KCNMB2: variants seen among roughly 807,000 people sequenced by gnomAD.
KCNMB2 encodes the protein calcium-activated potassium channel subunit beta-2.
KCNMB2 carries 9 observed loss-of-function variants against 24.5 expected under a neutral mutation model. The observed-to-expected ratio is 0.37, with a 90% CI of 0.22 to 0.64. KCNMB2 has a LOEUF of 0.64. KCNMB2 is among the 30% of genes least tolerant of loss of function. The pLI, the probability that KCNMB2 is intolerant of heterozygous loss-of-function variation, is 0.63. For missense variants in KCNMB2, 226 were observed against 284.3 expected, an observed-to-expected ratio of 0.79 and a Z score of 1.47; for synonymous variants, 109 against 104.4, an observed-to-expected ratio of 1.04 and a Z score of -0.27.
rs554610638 is a variant in KCNMB2, at chr3:178,817,101, G to A, written c.57-8487G>A. Among the ~76,000 whole-genome samples, 12 of 151,802 alleles carry A rather than the reference G, an allele frequency of 7.9e-5. No homozygotes were observed. In the East Asian group the frequency reaches 2.3e-3, roughly 29 times the overall value. The stretch of plus-strand genomic sequence containing the variant: ...CCATAATTTTGTTCTCACTTTTAGT[G>A]TCTTACCCATAAGACCTGGGTCACA... On this transcript the variant is annotated intron_variant, in intron 2 of 4. Coordinates refer to ENST00000452583, the MANE Select transcript of KCNMB2 (RefSeq NM_181361.3).
At chr3:178,779,229 T>C (rs1433949218) in intron 1 of KCNMB2, among the ~76,000 whole-genome samples, 1 of 152,222 alleles carries the variant, frequency 6.6e-6, no homozygotes, top group Non-Finnish European at 1.5e-5. Flanking sequence ...TTGATGGCCT[T>C]TCCCAGAAAT....
At position 178,569,922 on chromosome 3, in the gene KCNMB2, C is replaced by T. The variant is rs146659579; in HGVS notation, c.-68+33211C>T. Among the ~76,000 whole-genome samples, 3 of 152,154 alleles carry T rather than the reference C, an allele frequency of 2.0e-5. No individual in the cohort carries two copies. In the East Asian group the frequency reaches 5.8e-4, roughly 29 times the overall value. ...TTCCCTGATTTATAAAGGAAAGGGG[C>T]TGAAGATGAAATTTTAAAACTGTGT... On this transcript the variant is annotated intron_variant, in intron 1 of 4. Transcript: ENST00000452583.
rs892246709 is a variant in KCNMB2, at chr3:178,760,382, A to T, written c.-67-46961A>T. Among the ~76,000 whole-genome samples, 331 of 132,476 alleles carry T rather than the reference A, an allele frequency of 2.5e-3. 11 individuals carry two copies. The highest frequency in any genetic ancestry group is 9.5e-3 in the African/African-American group (314 of 33,176). 86.9% of individuals were successfully genotyped at this position (132,476 alleles called of 152,430 possible). On this transcript the variant is annotated intron_variant, in intron 1 of 4. Transcript: ENST00000452583. ...TATCCATATCCAAGATATATATATTATATATATATCCATATCCAAGATATA... is the reference window on the plus strand; with the variant it reads ...TATCCATATCCAAGATATATATATTTTATATATATCCATATCCAAGATATA...
At chr3:178,800,269 A>G (rs1713723392) in intron 1 of KCNMB2, among the ~76,000 whole-genome samples, 1 of 152,202 alleles carries the variant, frequency 6.6e-6, no homozygotes, top group Non-Finnish European at 1.5e-5. Flanking sequence ...AATATCTGCA[A>G]TCTATCCATC....
chr3:178,730,277 A>G (rs1474672896), intron 1 of KCNMB2, among the ~76,000 whole-genome samples: 1 of 152,178 alleles, frequency 6.6e-6, no homozygotes, highest in Non-Finnish European at 1.5e-5. Flanking sequence ...CATGATACAG[A>G]TGCTTGTTAT....
chr3:178,562,433 T>G (rs900987338), intron 1 of KCNMB2, among the ~76,000 whole-genome samples: 15 of 151,986 alleles, frequency 9.9e-5, no homozygotes, highest in African/African-American at 3.1e-4. Context: ...TACAGCTAAG[T>G]GGTAGCGGTG....
At chr3:178,685,298 C>T (rs1184800708) in intron 1 of KCNMB2, among the ~76,000 whole-genome samples, 1 of 152,200 alleles carries the variant, frequency 6.6e-6, no homozygotes, top group African/African-American at 2.4e-5. Context: ...TTTAAAAGCT[C>T]CTGGAATAGG....
intron 1 of KCNMB2, among the ~76,000 whole-genome samples, chr3:178,712,224 C>T (rs1158057296): frequency 6.6e-6 from 1 of 152,110 alleles, no homozygotes; most frequent in Admixed American, 6.5e-5. Flanking sequence ...ACTAGGGGGC[C>T]TAACCACCTA....
At chr3:178,811,727 A>C (rs1355668514) in intron 2 of KCNMB2, among the ~76,000 whole-genome samples, 1 of 152,162 alleles carries the variant, frequency 6.6e-6, no homozygotes, top group Non-Finnish European at 1.5e-5. Flanking sequence ...TTTATACCTA[A>C]CATGGGAATG....
chr3:178,569,779 G>A (rs1341787222), intron 1 of KCNMB2, among the ~76,000 whole-genome samples: 1 of 152,178 alleles, frequency 6.6e-6, no homozygotes. Flanking sequence ...AGAGTTAAAA[G>A]TCAGCCCTTC....
chr3:178,655,683 T>G lies in KCNMB2; in HGVS notation c.-68+118972T>G, dbSNP rs528754723. Among the ~76,000 whole-genome samples, 121 of 152,120 alleles carry G rather than the reference T, an allele frequency of 8.0e-4. 1 individual carries two copies. Among genetic ancestry groups the G allele is most frequent in the Admixed American group, 7.8e-3 (120 of 15,294 alleles). ...TGCTGTGGTTTACTGGTCTGAAGAGTGAGGTTTTCAGAGGCCAGGAACGCC... is the reference window on the plus strand; with the variant it reads ...TGCTGTGGTTTACTGGTCTGAAGAGGGAGGTTTTCAGAGGCCAGGAACGCC... On this transcript the variant is annotated intron_variant, in intron 1 of 4. Coordinates refer to ENST00000452583, the MANE Select transcript of KCNMB2 (RefSeq NM_181361.3).
chr3:178,619,705 C>T (rs778125171), intron 1 of KCNMB2, among the ~76,000 whole-genome samples: 1 of 152,094 alleles, frequency 6.6e-6, no homozygotes, highest in Non-Finnish European at 1.5e-5. Flanking sequence ...CTTTAAACCA[C>T]ATTTTGCTTC....
At chr3:178,660,420 G>C (rs1333814615) in intron 1 of KCNMB2, among the ~76,000 whole-genome samples, 1 of 152,018 alleles carries the variant, frequency 6.6e-6, no homozygotes, top group Non-Finnish European at 1.5e-5. Context: ...AACCCACTTG[G>C]CTGGGACTGA....
At chr3:178,837,444 C>T (rs1487618667) in intron 4 of KCNMB2, among the ~76,000 whole-genome samples, 1 of 152,108 alleles carries the variant, frequency 6.6e-6, no homozygotes, top group Non-Finnish European at 1.5e-5. Context: ...AAGTTAGGAG[C>T]TTGTTATACT....
chr3:178,708,318 G>A (rs4577443), intron 1 of KCNMB2, among the ~76,000 whole-genome samples: 49,568 of 151,946 alleles, frequency 0.33, 8,816 homozygotes, highest in African/African-American at 0.47. Context: ...ATGTAATAAT[G>A]ATAATGGTGA....
chr3:178,767,590 T>G (rs991752862), intron 1 of KCNMB2, among the ~76,000 whole-genome samples: 15 of 152,210 alleles, frequency 9.9e-5, no homozygotes, highest in African/African-American at 3.4e-4. Context: ...CAAATTAAAC[T>G]GCTAAAAACT....
chr3:178,733,567 A>G (rs1723222292), intron 1 of KCNMB2, among the ~76,000 whole-genome samples: 1 of 151,936 alleles, frequency 6.6e-6, no homozygotes, highest in South Asian at 2.1e-4. Context: ...TGCAACCTCC[A>G]CCTCCCAGGT....
intron 1 of KCNMB2, among the ~76,000 whole-genome samples, chr3:178,577,710 C>T (rs1256656232): frequency 6.6e-6 from 1 of 152,076 alleles, no homozygotes; most frequent in Non-Finnish European, 1.5e-5. Context: ...TGAAAAACAG[C>T]ACAAGAACTT....
chr3:178,835,372 A>T (rs1377128177), intron 4 of KCNMB2, among the ~76,000 whole-genome samples: 7 of 152,208 alleles, frequency 4.6e-5, no homozygotes, highest in South Asian at 4.1e-4. Flanking sequence ...TCCACTTTTT[A>T]AAAAAGTGAC....
Sources: allele counts gnomAD v4.1 joint callset (sites outside exome capture counted in the v4.1 genomes callset), GRCh38; gene constraint gnomAD v4.1.1; transcripts MANE v1.5; gene names NCBI Gene and HGNC (gene_info 2026-07-23, HGNC 2026-07-21).